The following DUSP1 variants were observed in gnomAD, a reference collection of about 807,000 sequenced individuals.
DUSP1 encodes the protein dual specificity protein phosphatase 1.
In DUSP1, 10 loss-of-function variants were observed where a neutral mutation model predicts 27.4. That is an observed-to-expected ratio of 0.37 (90% CI 0.23 to 0.62). The LOEUF is 0.62. Ranked by LOEUF, DUSP1 falls within the 20% of genes least tolerant of loss-of-function variation. The probability of loss-of-function intolerance (pLI) is 0.68; values close to 1 mark genes in which losing one functional copy is unlikely to be tolerated. For missense variants in DUSP1, 425 were observed against 508.1 expected, an observed-to-expected ratio of 0.84 and a Z score of 1.57; for synonymous variants, 262 against 223.6, an observed-to-expected ratio of 1.17 and a Z score of -1.53.
At chr5:172,770,093 C>T (rs1176421007) in intron 2 of DUSP1, 68 bp downstream of exon 2, 1 of 1,517,580 alleles carries the variant, frequency 6.6e-7, no homozygotes, top group Non-Finnish European at 8.8e-7. Context: ...TCTATATTCT[C>T]CCTGGCACTA....
In DUSP1 at chr5:172,768,803, T is replaced by C; in HGVS notation, c.1063A>G (p.Ser355Gly). ...IPVHSTNSAL[S>G]YLQSPITTSP... The stretch of plus-strand genomic sequence containing the variant: ...GTCGTAATGGGGCTCTGAAGGTAGC[T>C]CAGCGCACTGTTCGTGGAGTGGACA... Residue 355 changes from serine (S) to glycine (G), a missense_variant, in exon 4 of 4, where the codon AGC becomes GGC. Ser to Gly is a moderately conservative substitution (Grantham distance 56). Around this residue, in one of 3 missense-constraint regions of DUSP1, gnomAD observed 84 missense variants for 80.5 expected, o/e 1.04. Transcript: ENST00000239223. The C allele has an allele frequency of 6.4e-7, 1 of 1,551,102 alleles. No homozygotes were observed. The highest frequency in any genetic ancestry group is 1.4e-5 in the African/African-American group (1 of 73,460).
intron 2 of DUSP1, 55 bp from the exon 3 acceptor site, chr5:172,769,849 G>A (rs1759855392): frequency 1.9e-6 from 3 of 1,557,462 alleles, no homozygotes; most frequent in Admixed American, 1.9e-5. Context: ...CAAGGCCAGT[G>A]CCCATACCCA....
At chr5:172,770,360 C>T in intron 1 of DUSP1, 54 bp from the exon 2 acceptor site, 2 of 1,605,096 alleles carry the variant, frequency 1.2e-6, no homozygotes, top group Non-Finnish European at 1.7e-6. Flanking sequence ...GACACGGCAC[C>T]TTCATACAAC....
Position 172,770,997 on chromosome 5 carries a change from T to C in DUSP1, c.-45A>G, listed in dbSNP as rs558848017. 6 of 1,353,752 alleles carry C rather than the reference T, an allele frequency of 4.4e-6. No individual in the cohort carries two copies. Among genetic ancestry groups the C allele is most frequent in the African/African-American group, 1.5e-5 (1 of 66,380 alleles). 83.9% of individuals were successfully genotyped at this position (1,353,752 alleles called of 1,614,324 possible). On this transcript the variant is annotated 5_prime_UTR_variant, in exon 1 of 4. Transcript: ENST00000239223. ...AGCGTGATCGGCCCTGCGGTGCTCT[T>C]TGTCTGTTCTCGGGGCCAAGGGCAG...
chr5:172,768,763 C>A lies in DUSP1; in HGVS notation c.1103G>T (p.Ter368LeuextTer18). Residue 368 changes from the stop codon to leucine, a stop_lost, in exon 4 of 4, where the codon TGA becomes TTA. Coordinates refer to ENST00000239223, the MANE Select transcript of DUSP1 (RefSeq NM_004417.4). ...QSPITTSPSC* is the reference protein window; with the variant it reads ...QSPITTSPSCL Reference sequence around the variant, plus strand: ...AAGAGCCTCACCTCCCGTGGCCTTTCAGCAGCTGGGAGAGGTCGTAATGGG... The same window carrying A: ...AAGAGCCTCACCTCCCGTGGCCTTTAAGCAGCTGGGAGAGGTCGTAATGGG... The A allele has an allele frequency of 6.6e-7, 1 of 1,509,488 alleles. No individual in the cohort carries two copies. The highest frequency in any genetic ancestry group is 2.3e-5 in the Admixed American group (1 of 43,680). 93.5% of individuals were successfully genotyped at this position (1,509,488 alleles called of 1,614,324 possible). A position where few individuals can be genotyped will look rare whatever the true frequency, so the allele number is the denominator to read the frequency against.
chr5:172,769,084 C>T lies in DUSP1; in HGVS notation c.782G>A (p.Gly261Asp). The part of the protein sequence containing the change: ...GGRVFVHCQA[G>D]ISRSATICLA... ...GCAGATGGTGGCTGACCGGGAAATG[C>T]CTGCCTGGCAGTGGACAAACACCCT... The change falls in exon 4 of 4, where the codon GGC (glycine) becomes GAC (aspartate). Residue 261 changes from glycine (G) to aspartate (D), a missense_variant. Around this residue, in one of 3 missense-constraint regions of DUSP1, gnomAD observed 59 missense variants for 108.4 expected, o/e 0.54. Transcript: ENST00000239223. The T allele has an allele frequency of 6.2e-7, 1 of 1,613,490 alleles. No individual in the cohort carries two copies. The highest frequency in any genetic ancestry group is 8.5e-7 in the Non-Finnish European group (1 of 1,180,006).
At position 172,770,322 on chromosome 5, in the gene DUSP1, C is replaced by CT; in HGVS notation, c.368-17_368-16insA. 1.2e-6 allele frequency: 2 copies of CT among 1,610,186 alleles called. No individual in the cohort carries two copies. The highest frequency in any genetic ancestry group is 1.7e-6 in the Non-Finnish European group (2 of 1,178,514). Reference sequence around the variant, plus strand: ...TCGTATCCTCCTGGGAATACAAAGACATTTTTTTTCCCCATTAGTGACACC... The same window carrying CT: ...TCGTATCCTCCTGGGAATACAAAGACTATTTTTTTTCCCCATTAGTGACACC... On this transcript the variant is annotated splice_polypyrimidine_tract_variant and intron_variant, in intron 1 of 3. Transcript: ENST00000239223.
rs376882188 is a variant in DUSP1 at position 172,768,725 on chromosome 5, C to T, written c.*37G>A. On this transcript the variant is annotated 3_prime_UTR_variant, in exon 4 of 4. Coordinates refer to ENST00000239223, the MANE Select transcript of DUSP1 (RefSeq NM_004417.4). ...TTCTCCTCTCAAGGAGCATGGAGTC[C>T]CAATGGGATGTGAAGAGCCTCACCT... 11 of 1,492,254 alleles carry T rather than the reference C, an allele frequency of 7.4e-6. No homozygotes were observed. In the African/African-American group the frequency reaches 1.6e-4, roughly 21 times the overall value. The allele number at this position is 1,492,254 out of a possible 1,614,324, so 92.4% of individuals were successfully genotyped here.
At position 172,769,893 on chromosome 5, in the gene DUSP1, T is replaced by C. The variant is rs1459948422; in HGVS notation, c.514-99A>G. 2.9e-6 allele frequency: 4 copies of C among 1,372,448 alleles called. No homozygotes were observed. The African/African-American group carries it at 5.7e-5, about 20-fold the overall frequency. 85.0% of individuals were successfully genotyped at this position (1,372,448 alleles called of 1,614,324 possible). A position where few individuals can be genotyped will look rare whatever the true frequency, so the allele number is the denominator to read the frequency against. Reference sequence around the variant, plus strand: ...TTCTGCTGGAAAAGTCAATTTCAGATACCGAGTGAACTCAGTTCTGTTGCT... The same window carrying C: ...TTCTGCTGGAAAAGTCAATTTCAGACACCGAGTGAACTCAGTTCTGTTGCT... On this transcript the variant is annotated intron_variant, in intron 2 of 3. Coordinates refer to ENST00000239223, the MANE Select transcript of DUSP1 (RefSeq NM_004417.4).
At chr5:172,769,189 C>T in intron 3 of DUSP1, 57 bp from the exon 4 acceptor site, 1 of 1,550,194 alleles carries the variant, frequency 6.5e-7, no homozygotes, top group South Asian at 1.2e-5. Context: ...CACCCCAAGC[C>T]CAGGTACAGT....
At chr5:172,770,410 G>T in intron 1 of DUSP1, 104 bp from the exon 2 acceptor site, 1 of 1,565,022 alleles carries the variant, frequency 6.4e-7, no homozygotes, top group Non-Finnish European at 8.6e-7. Context: ...CATCGGAAAG[G>T]CCCAGGCAAG....
At position 172,769,049 on chromosome 5, in the gene DUSP1, G is replaced by A. The variant is rs1759838085; in HGVS notation, c.817C>T (p.Leu273Phe). 2 of 1,614,046 alleles carry A rather than the reference G, an allele frequency of 1.2e-6. No individual in the cohort carries two copies. Among genetic ancestry groups the A allele is most frequent in the East Asian group, 2.2e-5 (1 of 44,896 alleles). ...AGCTTGACTCGATTAGTCCTCATAA[G>A]GTAAGCAAGGCAGATGGTGGCTGAC... ...SRSATICLAYLMRTNRVKLDE... is the reference protein window; with the variant it reads ...SRSATICLAYFMRTNRVKLDE... Residue 273 changes from leucine (L) to phenylalanine (F), a missense_variant, in exon 4 of 4, where the codon CTT becomes TTT. Physicochemically the swap from Leu to Phe is conservative, Grantham distance 22 (BLOSUM62 0). Around this residue, in one of 3 missense-constraint regions of DUSP1, gnomAD observed 59 missense variants for 108.4 expected, o/e 0.54. Coordinates refer to ENST00000239223, the MANE Select transcript of DUSP1 (RefSeq NM_004417.4).
intron 2 of DUSP1, among the ~76,000 whole-genome samples, 165 bp downstream of exon 2, chr5:172,769,996 G>T (rs2113423979): frequency 6.6e-6 from 1 of 152,346 alleles, no homozygotes; most frequent in East Asian, 1.9e-4. Flanking sequence ...GCCTACAATT[G>T]GAGACTCGGC....
chr5:172,770,337 T>G, intron 1 of DUSP1, 31 bp from the exon 2 acceptor site: 1 of 1,609,958 alleles, frequency 6.2e-7, no homozygotes, highest in Non-Finnish European at 8.5e-7. Flanking sequence ...TTTTTCCCCA[T>G]TAGTGACACC....
chr5:172,769,263 TG>T, intron 3 of DUSP1, 131 bp from the exon 4 acceptor site: 1 of 1,390,228 alleles, frequency 7.2e-7, no homozygotes, highest in Non-Finnish European at 9.5e-7. Context: ...TGCCATCACA[TG>T]GATACTGTTC....
chr5:172,770,272 C>G lies in DUSP1; in HGVS notation c.402G>C (p.Glu134Asp), dbSNP rs749892187. ...TGGGGGTCGACTGTTTGCTGCACAGCTCCGGGCAGGAAGCCGAAAACGCTT... is the reference window on the plus strand; with the variant it reads ...TGGGGGTCGACTGTTTGCTGCACAGGTCCGGGCAGGAAGCCGAAAACGCTT... ...GYEAFSASCP[E>D]LCSKQSTPMG... Residue 134 changes from glutamate to aspartate, a missense_variant, in exon 2 of 4, where the codon GAG becomes GAC. Physicochemically the swap from Glu to Asp is conservative, Grantham distance 45. This residue lies in a region of DUSP1 where 282 missense variants were observed against 319.3 expected (regional missense o/e 0.88). Transcript: ENST00000239223. The G allele has an allele frequency of 2.5e-6, 4 of 1,611,676 alleles. No individual in the cohort carries two copies. In the Admixed American group the frequency reaches 6.7e-5, roughly 27 times the overall value.
rs1161267776 is a variant in DUSP1 at position 172,768,472 on chromosome 5, CAG to C, written c.*288_*289del. The C allele has an allele frequency of 9.0e-5, 27 of 299,352 alleles. No homozygotes were observed. Among genetic ancestry groups the C allele is most frequent in the South Asian group, 2.7e-4 (2 of 7,452 alleles). The allele number at this position is 299,352 out of a possible 1,614,324, so 18.5% of individuals were successfully genotyped here. ...AAGCATGAAGAGATTCTACAAAAAA[CAG>C]GGGCGAGCAAAAAGAAACCGGATCA... On this transcript the variant is annotated 3_prime_UTR_variant, in exon 4 of 4. Transcript: ENST00000239223.
At position 172,770,152 on chromosome 5, in the gene DUSP1, C is replaced by A. The variant is rs1759861759; in HGVS notation, c.513+9G>T. The A allele has an allele frequency of 1.9e-6, 3 of 1,562,048 alleles. No individual in the cohort carries two copies. The highest frequency in any genetic ancestry group is 1.4e-5 in the African/African-American group (1 of 72,262). On this transcript the variant is annotated intron_variant, in intron 2 of 3. Transcript: ENST00000239223. ...TTACTTCTTCCCTGTGGCAGGGACA[C>A]CTACTAACCTGATCGTAGAGTGGGG...
chr5:172,770,733 G>T lies in DUSP1; in HGVS notation c.220C>A (p.Arg74Ser). ...HIVPNAELRG[R>S]LLAGAYHAVV... ...GCGTGGTAGGCGCCGGCCAGCAGGC[G>T]GCCGCGGAGCTCGGCGTTGGGCACG... The change falls in exon 1 of 4, where the codon CGC becomes AGC. Residue 74 changes from arginine (R) to serine (S), a missense_variant. Physicochemically the swap from Arg to Ser is moderately radical, Grantham distance 110. Transcript: ENST00000239223. 1 of 1,419,336 alleles carries T rather than the reference G, an allele frequency of 7.0e-7. No homozygotes were observed. Among genetic ancestry groups the T allele is most frequent in the South Asian group, 1.4e-5 (1 of 71,146 alleles). The allele number at this position is 1,419,336 out of a possible 1,614,324, so 87.9% of individuals were successfully genotyped here.
Sources: gnomAD v4.1 joint callset for allele counts (sites outside exome capture counted in the v4.1 genomes callset) on GRCh38, gnomAD v4.1.1 for gene constraint, gnomAD v4.1.1 regional missense constraint, MANE v1.5 for transcripts, NCBI Gene and HGNC (gene_info 2026-07-23, HGNC 2026-07-21) for gene names.